Variants in SNTG2 observed in about 807,000 individuals in gnomAD.
The protein encoded by SNTG2 is gamma-2-syntrophin.
A neutral mutation model predicts 70.9 loss-of-function variants in SNTG2; 74 were observed. The observed-to-expected ratio is 1.04, with a 90% confidence interval of 0.86 to 1.27. The LOEUF (loss-of-function observed/expected upper bound fraction) is 1.27, where lower values mean the gene tolerates loss of function less well. Among genes scored for constraint, SNTG2 ranks in the 50% most tolerant of loss-of-function variants. The probability of loss-of-function intolerance (pLI) is 0.00; values close to 1 mark genes in which losing one functional copy is unlikely to be tolerated. For synonymous variants in SNTG2, 278 were observed against 273.8 expected (o/e 1.02, Z -0.15); for missense variants, 717 against 690.7 (o/e 1.04, Z -0.43).
intron 4 of SNTG2, among the ~76,000 whole-genome samples, chr2:1,119,133 C>G (rs1045907540): frequency 6.6e-6 from 1 of 152,024 alleles, no homozygotes; most frequent in African/African-American, 2.4e-5. Flanking sequence ...ACAGGGAAAA[C>G]AAACAAACAC....
chr2:1,188,049 C>T (rs1345559489), intron 8 of SNTG2, among the ~76,000 whole-genome samples: 2 of 152,322 alleles, frequency 1.3e-5, no homozygotes, highest in South Asian at 4.1e-4. Flanking sequence ...CTCTAACAAG[C>T]GTTAGCTTTA....
chr2:1,002,626 CT>C (rs1659431772), intron 1 of SNTG2, among the ~76,000 whole-genome samples: 7 of 150,142 alleles, frequency 4.7e-5, no homozygotes, highest in Non-Finnish European at 1.0e-4. Flanking sequence ...GGAGAAAATA[CT>C]TATCTATGGT....
chr2:1,328,150 C>T (rs1681832340), intron 16 of SNTG2, among the ~76,000 whole-genome samples: 1 of 152,076 alleles, frequency 6.6e-6, no homozygotes, highest in African/African-American at 2.4e-5. Flanking sequence ...TGGTGCTGAA[C>T]CACGAGAACC....
In SNTG2 at chr2:1,168,964, A is replaced by C. The variant is rs185283399; in HGVS notation, c.499+3329A>C. On this transcript the variant is annotated intron_variant, in intron 7 of 16. Coordinates refer to ENST00000308624, the MANE Select transcript of SNTG2 (RefSeq NM_018968.4). ...ACAGTGGTGCACCCCTGGGGTTTTGAGAAACGTTGCTGTGAGTTGGGAAGG... is the reference window on the plus strand; with the variant it reads ...ACAGTGGTGCACCCCTGGGGTTTTGCGAAACGTTGCTGTGAGTTGGGAAGG... Among the ~76,000 whole-genome samples, 739 of 152,248 alleles carry C rather than the reference A, an allele frequency of 4.9e-3. 4 individuals are homozygous for C. Among genetic ancestry groups the C allele is most frequent in the Non-Finnish European group, 7.7e-3 (527 of 68,028 alleles).
intron 14 of SNTG2, among the ~76,000 whole-genome samples, chr2:1,280,464 T>C (rs1445974425): frequency 2.0e-5 from 3 of 152,188 alleles, no homozygotes; most frequent in Non-Finnish European, 4.4e-5. Context: ...TGTTTCGTTT[T>C]CCTTAAATAC....
At chr2:1,232,674 G>A (rs1030137958) in intron 9 of SNTG2, among the ~76,000 whole-genome samples, 1 of 152,008 alleles carries the variant, frequency 6.6e-6, no homozygotes, top group Non-Finnish European at 1.5e-5. Flanking sequence ...TATTTAATAT[G>A]GACTATTTAG....
intron 1 of SNTG2, among the ~76,000 whole-genome samples, chr2:986,067 T>TAGAGAGAGAGAAAGAGAGAGAG (rs1661306629): frequency 7.7e-6 from 1 of 129,718 alleles, no homozygotes; most frequent in African/African-American, 2.9e-5. Flanking sequence ...CTGCAAATAA[T>TAGAGAGAGAGAAAGAGAGAGAG]AGAGAGAGAG....
In SNTG2 at chr2:1,276,425, G is replaced by T. The variant is rs1363316473; in HGVS notation, c.1284+8854G>T. Among the ~76,000 whole-genome samples the T allele has an allele frequency of 3.3e-5, 5 of 152,186 alleles. No homozygotes were observed. In the East Asian group the frequency reaches 9.6e-4, roughly 29 times the overall value. On this transcript the variant is annotated intron_variant, in intron 14 of 16. Transcript: ENST00000308624. Reference sequence around the variant, plus strand: ...AAAGACTAGGGCCCTAAAGAATGATGCTAAATCTACTCTGCCTGTGCTCTA... The same window carrying T: ...AAAGACTAGGGCCCTAAAGAATGATTCTAAATCTACTCTGCCTGTGCTCTA...
chr2:1,230,269 G>A (rs1221781913), intron 9 of SNTG2, among the ~76,000 whole-genome samples: 1 of 152,232 alleles, frequency 6.6e-6, no homozygotes, highest in Non-Finnish European at 1.5e-5. Context: ...ATGATGACCT[G>A]CCTGGTATAT....
intron 1 of SNTG2, among the ~76,000 whole-genome samples, chr2:1,012,469 A>AG (rs1462945058): frequency 6.6e-6 from 1 of 152,214 alleles, no homozygotes; most frequent in Non-Finnish European, 1.5e-5. Context: ...CACACAGAAA[A>AG]GGGGCGGCAG....
chr2:1,148,769 G>A (rs62105981), intron 6 of SNTG2, among the ~76,000 whole-genome samples: 149,620 of 152,164 alleles, frequency 0.98, 73,608 homozygotes, highest in East Asian at 1. Flanking sequence ...CCCACATAGA[G>A]GGGCTTTCAA....
intron 14 of SNTG2, among the ~76,000 whole-genome samples, chr2:1,279,355 T>C (rs1679424295): frequency 1.3e-5 from 2 of 152,262 alleles, no homozygotes; most frequent in East Asian, 3.9e-4. Flanking sequence ...ACTAATCTCT[T>C]ACTGCACCTA....
At chr2:1,259,869 T>C (rs1678325803) in intron 13 of SNTG2, among the ~76,000 whole-genome samples, 1 of 152,232 alleles carries the variant, frequency 6.6e-6, no homozygotes, top group South Asian at 2.1e-4. Flanking sequence ...AGGTAAGGAC[T>C]GAGCCTTCCT....
rs142891170 is a variant in SNTG2, at chr2:1,060,857, C to T, written c.73-22661C>T. The stretch of plus-strand genomic sequence containing the variant: ...CCAGTGGGTGAAGTCAGACCAGGAG[C>T]AGGATATGTTCACAGTCCCAATGGG... On this transcript the variant is annotated intron_variant, in intron 1 of 16. Coordinates refer to ENST00000308624, the MANE Select transcript of SNTG2 (RefSeq NM_018968.4). 6.6e-5 allele frequency among the ~76,000 whole-genome samples: 10 copies of T among 152,272 alleles called. No homozygotes were observed. The East Asian group carries it at 1.7e-3, about 26-fold the overall frequency.
At chr2:1,006,557 G>T (rs4290690) in intron 1 of SNTG2, among the ~76,000 whole-genome samples, 2 of 151,966 alleles carry the variant, frequency 1.3e-5, no homozygotes, top group Admixed American at 1.3e-4. Flanking sequence ...GTATAGACTT[G>T]GCCCGCCACA....
intron 1 of SNTG2, among the ~76,000 whole-genome samples, chr2:984,027 T>A (rs1435317817): frequency 6.6e-6 from 1 of 152,122 alleles, no homozygotes; most frequent in Non-Finnish European, 1.5e-5. Flanking sequence ...CACCCCTTTG[T>A]TGAAGGGCTG....
chr2:1,258,519 T>C (rs9330337), intron 12 of SNTG2, among the ~76,000 whole-genome samples: 45,477 of 152,084 alleles, frequency 0.3, 7,564 homozygotes, highest in African/African-American at 0.45. Context: ...AAAAATGTCT[T>C]GAAAATTTTG....
chr2:1,007,916 G>C (rs1368254601), intron 1 of SNTG2, among the ~76,000 whole-genome samples: 4 of 152,074 alleles, frequency 2.6e-5, no homozygotes, highest in African/African-American at 9.7e-5. Context: ...CACTGCACCT[G>C]GTTAATTTTA....
intron 2 of SNTG2, among the ~76,000 whole-genome samples, chr2:1,084,508 G>A (rs1664553595): frequency 6.6e-6 from 1 of 152,108 alleles, no homozygotes; most frequent in Non-Finnish European, 1.5e-5. Context: ...TCAAGGAGGC[G>A]AAGGCTCTGG....
Sources: allele counts gnomAD v4.1 joint callset (sites outside exome capture counted in the v4.1 genomes callset), GRCh38; gene constraint gnomAD v4.1.1; transcripts MANE v1.5; gene names NCBI Gene and HGNC (gene_info 2026-07-23, HGNC 2026-07-21).